The following DOCK8 variants were observed in gnomAD, a reference collection of about 807,000 sequenced individuals.
DOCK8 encodes the protein dedicator of cytokinesis 8, also known as dedicator of cytokinesis protein 8.
DOCK8 carries 141 observed loss-of-function variants against 245.6 expected under a neutral mutation model. The ratio of observed to expected loss-of-function variants is 0.57; its 90% confidence interval spans 0.50 to 0.66. The LOEUF is 0.66. Ranked by LOEUF, DOCK8 falls within the 30% of genes least tolerant of loss-of-function variation. The pLI is 0.00. For synonymous variants in DOCK8, 1,168 were observed against 970.2 expected (o/e 1.20, Z -3.79); for missense variants, 2,965 against 2,603.4 (o/e 1.14, Z -3.02).
At chr9:327,770 A>C (rs2050828398) in intron 8 of DOCK8, among the ~76,000 whole-genome samples, 1 of 152,214 alleles carries the variant, frequency 6.6e-6, no homozygotes, top group South Asian at 2.1e-4. Flanking sequence ...ACTGATACTC[A>C]GGAAATACCG....
chr9:220,774 A>T, intron 1 of DOCK8: 1 of 372,444 alleles, frequency 2.7e-6, no homozygotes, highest in Admixed American at 3.5e-5. Flanking sequence ...AGGCTGGAGT[A>T]CAGTGGGGCC....
intron 11 of DOCK8, among the ~76,000 whole-genome samples, chr9:336,123 C>T (rs915286908): frequency 5.9e-5 from 9 of 152,178 alleles, no homozygotes; most frequent in Non-Finnish European, 8.8e-5. Flanking sequence ...CAGAGGAATG[C>T]TGGGATTCAG....
chr9:283,945 G>A (rs958107797), intron 2 of DOCK8, among the ~76,000 whole-genome samples: 1 of 152,152 alleles, frequency 6.6e-6, no homozygotes, highest in African/African-American at 2.4e-5. Flanking sequence ...TCAATTTGCA[G>A]TAAGAATGCA....
At chr9:237,492 A>G (rs2047280947) in intron 1 of DOCK8, among the ~76,000 whole-genome samples, 1 of 152,146 alleles carries the variant, frequency 6.6e-6, no homozygotes, top group Admixed American at 6.5e-5. Flanking sequence ...TAGTCTCTAC[A>G]AAAAATACAA....
chr9:396,653 C>T (rs113249624), intron 24 of DOCK8, 132 bp from the exon 25 acceptor site: 69 of 1,264,440 alleles, frequency 5.5e-5, no homozygotes, highest in South Asian at 1.5e-4. Flanking sequence ...CTTGCTCGGG[C>T]ACCACCAGCA....
intron 1 of DOCK8, among the ~76,000 whole-genome samples, chr9:256,939 C>T (rs1051516490): frequency 3.3e-5 from 5 of 152,186 alleles, no homozygotes; most frequent in Non-Finnish European, 7.3e-5. Flanking sequence ...CTACTGTTCT[C>T]AACTAAGAGA....
At chr9:269,045 G>A (rs1051711095) in intron 1 of DOCK8, among the ~76,000 whole-genome samples, 2 of 152,000 alleles carry the variant, frequency 1.3e-5, no homozygotes, top group East Asian at 1.9e-4. Context: ...ATATTTACAC[G>A]TACACCTATC....
At chr9:400,160 CCACCA>C (rs2054767824) in intron 26 of DOCK8, among the ~76,000 whole-genome samples, 72 of 111,396 alleles carry the variant, frequency 6.5e-4, no homozygotes, top group African/African-American at 2.3e-3. Context: ...ATCACCACCA[CCACCA>C]CCTCCACCAT....
chr9:219,927 G>A (rs571302245), intron 1 of DOCK8, among the ~76,000 whole-genome samples: 3 of 152,166 alleles, frequency 2.0e-5, no homozygotes, highest in African/African-American at 4.8e-5. Flanking sequence ...AATAATTTTG[G>A]GCATAACGAC....
chr9:302,752 A>G (rs974560075), intron 4 of DOCK8, among the ~76,000 whole-genome samples: 1 of 152,232 alleles, frequency 6.6e-6, no homozygotes, highest in African/African-American at 2.4e-5. Flanking sequence ...AAAAATGCTT[A>G]ACATCACTAA....
chr9:216,717 C>T (rs1252469576), intron 1 of DOCK8, among the ~76,000 whole-genome samples: 1 of 151,960 alleles, frequency 6.6e-6, no homozygotes, highest in African/African-American at 2.4e-5. Context: ...AGCTCCTGAT[C>T]CTCTGTCTTT....
At chr9:242,909 A>C (rs1022433744) in intron 1 of DOCK8, among the ~76,000 whole-genome samples, 4 of 152,130 alleles carry the variant, frequency 2.6e-5, no homozygotes, top group Non-Finnish European at 4.4e-5. Context: ...CACTCTAAAC[A>C]GTACCAGAGG....
At chr9:354,939 A>G (rs1476173670) in intron 14 of DOCK8, among the ~76,000 whole-genome samples, 1 of 152,204 alleles carries the variant, frequency 6.6e-6, no homozygotes, top group Non-Finnish European at 1.5e-5. Context: ...TCACTACATC[A>G]GAAGCGAGTC....
chr9:408,141 G>A (rs998367962), intron 28 of DOCK8, among the ~76,000 whole-genome samples: 5 of 152,192 alleles, frequency 3.3e-5, no homozygotes, highest in African/African-American at 1.2e-4. Context: ...ATTGCTGTAT[G>A]TTATGGATGG....
At chr9:333,467 G>A (rs935040912) in intron 10 of DOCK8, among the ~76,000 whole-genome samples, 3 of 152,072 alleles carry the variant, frequency 2.0e-5, no homozygotes, top group African/African-American at 7.2e-5. Context: ...CGGGCATGGT[G>A]GCACGTGCCT....
chr9:291,856 C>T (rs2049053493), intron 4 of DOCK8, among the ~76,000 whole-genome samples: 1 of 151,096 alleles, frequency 6.6e-6, no homozygotes, highest in African/African-American at 2.4e-5. Flanking sequence ...CCCTTGAACC[C>T]AGGAGTTCAA....
chr9:215,459 A>G, intron 1 of DOCK8: 1 of 1,487,862 alleles, frequency 6.7e-7, no homozygotes, highest in Non-Finnish European at 8.9e-7. Context: ...GGCTGAAATT[A>G]GAGTTGCGTT....
chr9:215,123 C>A (rs556106230), intron 1 of DOCK8, 94 bp downstream of exon 1: 3 of 1,480,810 alleles, frequency 2.0e-6, no homozygotes, highest in Non-Finnish European at 2.7e-6. Context: ...CCGGACGAGT[C>A]CATTCGCGTC....
At chr9:312,198 T>C (rs2050151636) in intron 6 of DOCK8, 32 bp downstream of exon 6, 1 of 1,610,010 alleles carries the variant, frequency 6.2e-7, no homozygotes, top group Non-Finnish European at 8.5e-7. Flanking sequence ...CTGGAGAATC[T>C]CAGTGAAGAC....
Sources: allele counts gnomAD v4.1 joint callset (sites outside exome capture counted in the v4.1 genomes callset), GRCh38; gene constraint gnomAD v4.1.1; transcripts MANE v1.5; gene names NCBI Gene and HGNC (gene_info 2026-07-23, HGNC 2026-07-21).